Variants in LRPPRC observed in about 807,000 individuals in gnomAD.
The protein encoded by LRPPRC is leucine-rich PPR motif-containing protein, mitochondrial.
In LRPPRC, 120 loss-of-function variants were observed where a neutral mutation model predicts 180.3. The ratio of observed to expected loss-of-function variants is 0.67; its 90% CI spans 0.57 to 0.77. The LOEUF (loss-of-function observed/expected upper bound fraction) is 0.77, where lower values mean the gene tolerates loss of function less well. Among genes scored for constraint, LRPPRC ranks in the 30% least tolerant of loss-of-function variants. LRPPRC has a pLI of 0.00. For synonymous variants in LRPPRC, 723 were observed against 600.0 expected, an observed-to-expected ratio of 1.21 and a Z score of -3.00; for missense variants, 2,012 against 1,657.2, an observed-to-expected ratio of 1.21 and a Z score of -3.72.
At position 43,886,303 on chromosome 2, in the gene LRPPRC, T is replaced by C. The variant is rs1572878412; in HGVS notation, c.*2297A>G. Among the ~76,000 whole-genome samples, 1 of 152,202 alleles carries C rather than the reference T, an allele frequency of 6.6e-6. No homozygotes were observed. The highest frequency in any genetic ancestry group is 1.5e-5 in the Non-Finnish European group (1 of 68,038). ...AAATACATGAACATATAATTATATA[T>C]AAAATACTATAGTTCTCAATAGTTT... On this transcript the variant is annotated 3_prime_UTR_variant, in exon 38 of 38. Transcript: ENST00000260665.
chr2:43,963,881 T>A (rs1673453175), intron 11 of LRPPRC, 175 bp from the exon 12 acceptor site: 1 of 622,986 alleles, frequency 1.6e-6, no homozygotes. Context: ...AAAAATTAAC[T>A]CCTCCTTTCT....
chr2:43,917,033 C>T (rs529762971), intron 29 of LRPPRC, among the ~76,000 whole-genome samples: 3 of 144,108 alleles, frequency 2.1e-5, no homozygotes, highest in East Asian at 2.0e-4. Flanking sequence ...TAACATCTTA[C>T]TAGATTTGCT....
At chr2:43,981,240 T>C (rs560792597) in intron 2 of LRPPRC, among the ~76,000 whole-genome samples, 2 of 148,894 alleles carry the variant, frequency 1.3e-5, no homozygotes, top group South Asian at 2.1e-4. Flanking sequence ...TATATGATCA[T>C]CTTACAGAAA....
chr2:43,982,449 A>G lies in LRPPRC; in HGVS notation c.150-15T>C. 1 of 1,571,440 alleles carries G rather than the reference A, an allele frequency of 6.4e-7. No homozygotes were observed. The highest frequency in any genetic ancestry group is 8.8e-7 in the Non-Finnish European group (1 of 1,141,468). On this transcript the variant is annotated splice_polypyrimidine_tract_variant and intron_variant, in intron 1 of 37. Transcript: ENST00000260665. ...TCAGTAGTCCTCTAAAAAATGAAAC[A>G]TAATTAATAATAATCAGTTGCTATC...
At chr2:43,900,777 A>G (rs1442404942) in intron 32 of LRPPRC, among the ~76,000 whole-genome samples, 1 of 152,220 alleles carries the variant, frequency 6.6e-6, no homozygotes, top group Non-Finnish European at 1.5e-5. Flanking sequence ...TAGGGAGCTT[A>G]TTAAAAATCA....
intron 27 of LRPPRC, among the ~76,000 whole-genome samples, chr2:43,920,575 C>T (rs1671665113): frequency 6.6e-6 from 1 of 151,918 alleles, no homozygotes; most frequent in East Asian, 1.9e-4. Context: ...AACCAATTTT[C>T]AAAACAAGAC....
At chr2:43,969,971 C>T (rs569374053) in intron 11 of LRPPRC, among the ~76,000 whole-genome samples, 132 of 152,266 alleles carry the variant, frequency 8.7e-4, no homozygotes, top group Middle Eastern at 3.4e-3. Flanking sequence ...CCACCACACC[C>T]AGCCTAAATA....
At position 43,888,628 on chromosome 2, in the gene LRPPRC, A is replaced by T. The variant is rs770233454; in HGVS notation, c.4157T>A (p.Leu1386Gln). Residue 1386 changes from leucine to glutamine, a missense_variant, in exon 38 of 38, where the codon CTA (leucine) becomes CAA (glutamine). Coordinates refer to ENST00000260665, the MANE Select transcript of LRPPRC (RefSeq NM_133259.4). ...AGAAGAGTTTTCCCTCAATTTTCTT[A>T]GCTGCTGTGCATAAAATTCAAAGCT... The part of the protein sequence containing the change: ...PESFEFYAQQ[L>Q]RKLRENSS The T allele has an allele frequency of 6.9e-6, 11 of 1,603,496 alleles. No individual in the cohort carries two copies. The South Asian group carries it at 1.2e-4, about 18-fold the overall frequency.
At chr2:43,956,716 C>G (rs1277093268) in intron 14 of LRPPRC, among the ~76,000 whole-genome samples, 1 of 151,918 alleles carries the variant, frequency 6.6e-6, no homozygotes, top group Non-Finnish European at 1.5e-5. Flanking sequence ...ATGGTGAAAC[C>G]CCATCTCTAC....
chr2:43,947,723 CTACT>C lies in LRPPRC; in HGVS notation c.1965+4_1965+7del. 2 of 1,528,638 alleles carry C rather than the reference CTACT, an allele frequency of 1.3e-6. No homozygotes were observed. Among genetic ancestry groups the C allele is most frequent in the African/African-American group, 1.4e-5 (1 of 73,298 alleles). The allele number at this position is 1,528,638 out of a possible 1,614,324, so 94.7% of individuals were successfully genotyped here. A position where few individuals can be genotyped will look rare whatever the true frequency, so the allele number is the denominator to read the frequency against. On this transcript the variant is annotated splice_donor_5th_base_variant and intron_variant, in intron 19 of 37. Transcript: ENST00000260665. ...TAGCATGTAGAATCTAGTCAAAATC[CTACT>C]TACTTTTTGAAAGTCTAAATTCTTA...
chr2:43,973,929 G>T, intron 9 of LRPPRC, 29 bp from the exon 10 acceptor site: 1 of 1,367,564 alleles, frequency 7.3e-7, no homozygotes, highest in Non-Finnish European at 1.0e-6. Context: ...CACATTAGCT[G>T]GATTGGCAAA....
intron 22 of LRPPRC, among the ~76,000 whole-genome samples, chr2:43,944,432 C>T (rs1335834672): frequency 1.3e-5 from 2 of 152,006 alleles, no homozygotes; most frequent in Non-Finnish European, 2.9e-5. Flanking sequence ...AAGGCAGAAA[C>T]AAACATTTTA....
chr2:43,994,816 T>C (rs571345835), intron 1 of LRPPRC, among the ~76,000 whole-genome samples: 36 of 152,344 alleles, frequency 2.4e-4, no homozygotes, highest in African/African-American at 7.5e-4. Flanking sequence ...CAAAAGTCTA[T>C]ACCAAACCTA....
intron 11 of LRPPRC, among the ~76,000 whole-genome samples, chr2:43,970,969 G>T (rs575887304): frequency 6.6e-6 from 1 of 152,022 alleles, no homozygotes; most frequent in African/African-American, 2.4e-5. Context: ...GTGCAGTGAC[G>T]CATGCCTGTA....
intron 1 of LRPPRC, among the ~76,000 whole-genome samples, chr2:43,995,469 C>G (rs887215659): frequency 6.6e-6 from 1 of 152,232 alleles, no homozygotes; most frequent in Non-Finnish European, 1.5e-5. Context: ...AAGGAAAAGA[C>G]CACCACCCGA....
At chr2:43,922,988 G>C (rs1363531223) in intron 27 of LRPPRC, among the ~76,000 whole-genome samples, 1 of 152,014 alleles carries the variant, frequency 6.6e-6, no homozygotes, top group Non-Finnish European at 1.5e-5. Context: ...CTCCTAAGAA[G>C]CTAACCACAC....
At chr2:43,965,614 G>A (rs935361843) in intron 11 of LRPPRC, among the ~76,000 whole-genome samples, 4 of 152,140 alleles carry the variant, frequency 2.6e-5, no homozygotes, top group African/African-American at 9.7e-5. Flanking sequence ...CCACGTATCT[G>A]ATAAGGGGCT....
rs776449372 is a variant in LRPPRC at position 43,957,424 on chromosome 2, A to G, written c.1610T>C (p.Leu537Pro). Residue 537 changes from leucine to proline, a missense_variant, in exon 14 of 38, where the codon CTG (leucine) becomes CCG (proline). Transcript: ENST00000260665. ...CAGTAGGCTACTTCTTATAGACTGC[A>G]GCGAGATGGGCAATGTATTTGATTT... ...FLKSNTLPISLQSIRSSLLLG... is the reference protein window; with the variant it reads ...FLKSNTLPISPQSIRSSLLLG... 11 of 1,613,446 alleles carry G rather than the reference A, an allele frequency of 6.8e-6. No homozygotes were observed. Among genetic ancestry groups the G allele is most frequent in the African/African-American group, 1.3e-5 (1 of 74,926 alleles).
intron 14 of LRPPRC, among the ~76,000 whole-genome samples, chr2:43,954,171 C>G (rs185897537): frequency 1.3e-5 from 2 of 152,268 alleles, no homozygotes; most frequent in Non-Finnish European, 1.5e-5. Flanking sequence ...TCTCTCTCAT[C>G]TCTGCAACAA....
Sources: gnomAD v4.1 joint callset for allele counts (sites outside exome capture counted in the v4.1 genomes callset) on GRCh38, gnomAD v4.1.1 for gene constraint, MANE v1.5 for transcripts, NCBI Gene and HGNC (gene_info 2026-07-23, HGNC 2026-07-21) for gene names.